The following CACUL1 variants were observed in gnomAD, a reference collection of about 807,000 sequenced individuals.
CACUL1 encodes CDK2-associated and cullin domain-containing protein 1.
A neutral mutation model predicts 45.2 loss-of-function variants in CACUL1; 13 were observed. That is an observed-to-expected ratio of 0.29 (90% CI 0.19 to 0.46). The LOEUF (loss-of-function observed/expected upper bound fraction) is 0.46, where lower values mean the gene tolerates loss of function less well. Among genes scored for constraint, CACUL1 ranks in the 20% least tolerant of loss-of-function variants. The pLI, the probability that CACUL1 is intolerant of heterozygous loss-of-function variation, is 1.00. For synonymous variants in CACUL1, 197 were observed against 174.2 expected (o/e 1.13, Z -1.03); for missense variants, 421 against 471.4 (o/e 0.89, Z 0.99).
At chr10:118,753,438 C>T (rs1361065324) in intron 1 of CACUL1, among the ~76,000 whole-genome samples, 2 of 152,214 alleles carry the variant, frequency 1.3e-5, no homozygotes. Context: ...CCAGATGCCA[C>T]TCAAAACTTG....
intron 8 of CACUL1, 21 bp from the exon 9 acceptor site, chr10:118,686,189 G>C (rs1845203625): frequency 1.9e-6 from 3 of 1,600,316 alleles, no homozygotes; most frequent in Non-Finnish European, 2.6e-6. Context: ...ATCAGAATAG[G>C]AAAAAGTATG....
In CACUL1 at chr10:118,707,586, G is replaced by C; in HGVS notation, c.599C>G (p.Ala200Gly). The C allele has an allele frequency of 6.7e-7, 1 of 1,488,538 alleles. No homozygotes were observed. The highest frequency in any genetic ancestry group is 9.3e-7 in the Non-Finnish European group (1 of 1,069,908). 92.2% of individuals were successfully genotyped at this position (1,488,538 alleles called of 1,614,324 possible). ...HLERVSKELQ[A>G]SPPDLYIERF... ...TTCAATATAGAGATCTGGAGGGCTG[G>C]CCTGTGAGAAAGAACAGAAGTGTGA... Residue 200 changes from alanine to glycine, a missense_variant and splice_region_variant, in exon 4 of 9, where the codon GCC becomes GGC. Ala to Gly is a moderately conservative substitution (Grantham distance 60). This residue lies in a region of CACUL1 where 208 missense variants were observed against 298.4 expected (regional missense o/e 0.70). Coordinates refer to ENST00000369151, the MANE Select transcript of CACUL1 (RefSeq NM_153810.5).
intron 1 of CACUL1, among the ~76,000 whole-genome samples, chr10:118,739,972 C>CCGT (rs757189268): frequency 4.7e-4 from 72 of 152,050 alleles, no homozygotes; most frequent in Non-Finnish European, 5.9e-5. Flanking sequence ...TGGTGAAACC[C>CCGT]CGTCTCTACT....
intron 5 of CACUL1, among the ~76,000 whole-genome samples, chr10:118,697,879 C>A (rs539669010): frequency 3.2e-4 from 49 of 152,264 alleles, no homozygotes; most frequent in African/African-American, 1.2e-3. Flanking sequence ...AATACTTTAA[C>A]AATAGAGCCT....
At chr10:118,697,669 T>C (rs1259591667) in intron 5 of CACUL1, among the ~76,000 whole-genome samples, 1 of 152,238 alleles carries the variant, frequency 6.6e-6, no homozygotes, top group African/African-American at 2.4e-5. Flanking sequence ...AATTTCAAAC[T>C]ACAATGGTTT....
At chr10:118,716,804 G>A (rs1029200557) in intron 3 of CACUL1, among the ~76,000 whole-genome samples, 13 of 152,088 alleles carry the variant, frequency 8.5e-5, no homozygotes. Flanking sequence ...CGGTTTCACC[G>A]TGTTAGCCAG....
intron 4 of CACUL1, among the ~76,000 whole-genome samples, chr10:118,705,732 AT>A (rs1845426733): frequency 6.6e-6 from 1 of 152,204 alleles, no homozygotes; most frequent in African/African-American, 2.4e-5. Context: ...ATTTTGACAA[AT>A]ATTTAAAAAA....
In CACUL1 at chr10:118,739,353, G is replaced by T. The variant is rs987854149; in HGVS notation, c.368-8943C>A. On this transcript the variant is annotated intron_variant, in intron 1 of 8. Transcript: ENST00000369151. Reference sequence around the variant, plus strand: ...ATAATTCCAGAGAAAACAGAACAGAGAAAATGTAAAGGGAGAGAAATATTA... The same window carrying T: ...ATAATTCCAGAGAAAACAGAACAGATAAAATGTAAAGGGAGAGAAATATTA... Among the ~76,000 whole-genome samples the T allele has an allele frequency of 4.7e-4, 72 of 151,816 alleles. 1 individual carries two copies. The highest frequency in any genetic ancestry group is 5.9e-4 in the Non-Finnish European group (40 of 67,954).
intron 4 of CACUL1, among the ~76,000 whole-genome samples, chr10:118,706,772 A>G (rs538266741): frequency 6.6e-6 from 1 of 152,360 alleles, no homozygotes; most frequent in East Asian, 1.9e-4. Context: ...GGTCTTTTGG[A>G]AAGTGCCTTC....
intron 3 of CACUL1, among the ~76,000 whole-genome samples, chr10:118,708,968 A>C (rs547437712): frequency 6.6e-6 from 1 of 152,300 alleles, no homozygotes; most frequent in South Asian, 2.1e-4. Flanking sequence ...AAACACAGTA[A>C]AAAATCTGTG....
chr10:118,728,406 C>A (rs935230253), intron 3 of CACUL1, among the ~76,000 whole-genome samples: 2 of 152,070 alleles, frequency 1.3e-5, no homozygotes, highest in Non-Finnish European at 2.9e-5. Context: ...CTCCGCCTCC[C>A]GGGTTCAAGC....
intron 1 of CACUL1, among the ~76,000 whole-genome samples, chr10:118,748,963 G>A (rs1283385170): frequency 6.6e-6 from 1 of 152,178 alleles, no homozygotes; most frequent in East Asian, 1.9e-4. Context: ...GAGTCAGGAG[G>A]AGGGAGGAAG....
intron 1 of CACUL1, among the ~76,000 whole-genome samples, chr10:118,734,116 G>A (rs1479273822): frequency 1.3e-5 from 2 of 152,210 alleles, no homozygotes; most frequent in African/African-American, 4.8e-5. Flanking sequence ...AGAGCAGCAT[G>A]ACAGGATCTT....
chr10:118,720,190 G>C (rs1409689591), intron 3 of CACUL1, among the ~76,000 whole-genome samples: 1 of 151,918 alleles, frequency 6.6e-6, no homozygotes, highest in Non-Finnish European at 1.5e-5. Flanking sequence ...ATTAAACCTG[G>C]CTTCTGTGTT....
chr10:118,734,269 T>C lies in CACUL1; in HGVS notation c.368-3859A>G, dbSNP rs115239078. On this transcript the variant is annotated intron_variant, in intron 1 of 8. Transcript: ENST00000369151. ...ATCACTCATAATTTCACCACCAGTA[T>C]ATTGCGGCTGTGCCAGTGTACTGTG... is the stretch of plus-strand genomic sequence containing the variant. Among the ~76,000 whole-genome samples, 913 of 152,334 alleles carry C rather than the reference T, an allele frequency of 6.0e-3. 11 individuals carry two copies. Among genetic ancestry groups the C allele is most frequent in the African/African-American group, 0.021 (862 of 41,574 alleles).
At chr10:118,718,719 G>A (rs908929964) in intron 3 of CACUL1, among the ~76,000 whole-genome samples, 2 of 152,052 alleles carry the variant, frequency 1.3e-5, no homozygotes, top group African/African-American at 4.8e-5. Flanking sequence ...GCCTATAGGC[G>A]CCCGCCACCA....
At chr10:118,754,252 A>C in intron 1 of CACUL1, 144 bp downstream of exon 1, 1 of 1,236,444 alleles carries the variant, frequency 8.1e-7, no homozygotes, top group Non-Finnish European at 1.1e-6. Context: ...AGGGGGAAGG[A>C]GGCAGGGAGG....
At chr10:118,746,024 C>T (rs1020639437) in intron 1 of CACUL1, among the ~76,000 whole-genome samples, 19 of 150,610 alleles carry the variant, frequency 1.3e-4, no homozygotes, top group Non-Finnish European at 2.5e-4. Context: ...TGGTGGCTGG[C>T]GCCTGTAGTC....
At chr10:118,691,160 C>A in intron 7 of CACUL1, 105 bp downstream of exon 7, 1 of 935,918 alleles carries the variant, frequency 1.1e-6, no homozygotes, top group South Asian at 1.6e-5. Context: ...GACTCTTGGC[C>A]AGTTACCTCC....
Sources: gnomAD v4.1 joint callset for allele counts (sites outside exome capture counted in the v4.1 genomes callset) on GRCh38, gnomAD v4.1.1 for gene constraint, gnomAD v4.1.1 regional missense constraint, MANE v1.5 for transcripts, NCBI Gene and HGNC (gene_info 2026-07-23, HGNC 2026-07-21) for gene names.